SOX5: variants seen among roughly 807,000 people sequenced by gnomAD.
SOX5 encodes the protein SRY-box transcription factor 5.
A neutral mutation model predicts 92.0 loss-of-function variants in SOX5; 9 were observed. The observed-to-expected ratio is 0.10, with a 90% CI of 0.06 to 0.17. The LOEUF (loss-of-function observed/expected upper bound fraction) is 0.17. Ranked by LOEUF, SOX5 falls within the 10% of genes least tolerant of loss-of-function variation. The pLI is 1.00. For missense variants in SOX5, 642 were observed against 944.5 expected (o/e 0.68, Z 4.20); for synonymous variants, 344 against 336.3 (o/e 1.02, Z -0.25).
chr12:23,875,625 A>G (rs2096919605), intron 2 of SOX5, among the ~76,000 whole-genome samples: 1 of 152,190 alleles, frequency 6.6e-6, no homozygotes, highest in Admixed American at 6.5e-5. Context: ...ATAATATAGT[A>G]TCACATCAAA....
chr12:24,448,226 A>G (rs1941773108), intron 1 of SOX5, among the ~76,000 whole-genome samples: 1 of 152,202 alleles, frequency 6.6e-6, no homozygotes, highest in South Asian at 2.1e-4. Flanking sequence ...AGATGCAACT[A>G]AAAGTACTAG....
At chr12:23,779,951 G>T (rs528849520) in intron 3 of SOX5, among the ~76,000 whole-genome samples, 2 of 99,454 alleles carry the variant, frequency 2.0e-5, no homozygotes, top group Non-Finnish European at 4.0e-5. Context: ...GAGACACAGC[G>T]AGACTGTGTG....
intron 4 of SOX5, among the ~76,000 whole-genome samples, chr12:24,196,475 A>C (rs1957022454): frequency 6.6e-6 from 1 of 152,218 alleles, no homozygotes; most frequent in Non-Finnish European, 1.5e-5. Flanking sequence ...TAAATGGAGA[A>C]ACTGGAGTAG....
chr12:24,426,686 T>A (rs1473018016), intron 1 of SOX5, among the ~76,000 whole-genome samples: 2 of 152,186 alleles, frequency 1.3e-5, no homozygotes, highest in African/African-American at 2.4e-5. Context: ...ATTTCATATC[T>A]TAGTCTTCGC....
At chr12:23,548,089 C>G (rs1299105419) in intron 11 of SOX5, among the ~76,000 whole-genome samples, 9 of 152,062 alleles carry the variant, frequency 5.9e-5, no homozygotes, top group Admixed American at 6.6e-5. Flanking sequence ...TTACTGTACT[C>G]TCTTTGAGGA....
chr12:24,157,708 G>A lies in SOX5; in HGVS notation c.-2+55635C>T, dbSNP rs561384168. ...ATAGGCAGTGCCTTCACATTTTGTAGATAAATAAATTAGTCAGCTAAGTCA... is the reference window on the plus strand; with the variant it reads ...ATAGGCAGTGCCTTCACATTTTGTAAATAAATAAATTAGTCAGCTAAGTCA... On this transcript the variant is annotated intron_variant, in intron 4 of 4. Coordinates refer to the SOX5 transcript ENST00000446891. 2.6e-5 allele frequency among the ~76,000 whole-genome samples: 4 copies of A among 152,196 alleles called. No homozygotes were observed. In the South Asian group the frequency reaches 8.3e-4, roughly 32 times the overall value.
rs149206245 is a variant in SOX5, at chr12:23,894,589, A to G, written c.270+1204T>C. 3.9e-5 allele frequency among the ~76,000 whole-genome samples: 6 copies of G among 152,312 alleles called. No homozygotes were observed. The East Asian group carries it at 9.7e-4, about 25-fold the overall frequency. ...CAAATGCCCAAAGAAATCTTGACCT[A>G]TGAGGCTGAAATGTTGAATGGGAAT... On this transcript the variant is annotated intron_variant, in intron 2 of 14. Coordinates refer to ENST00000451604, the MANE Select transcript of SOX5 (RefSeq NM_006940.6).
intron 1 of SOX5, among the ~76,000 whole-genome samples, chr12:23,909,714 G>C (rs972674451): frequency 4.6e-5 from 7 of 152,132 alleles, no homozygotes; most frequent in African/African-American, 1.7e-4. Flanking sequence ...AAAACAGGGA[G>C]GGGTGTCTAA....
chr12:24,333,324 C>A (rs928248820), intron 2 of SOX5, among the ~76,000 whole-genome samples: 1 of 151,860 alleles, frequency 6.6e-6, no homozygotes, highest in Non-Finnish European at 1.5e-5. Context: ...TGTTTGGAAG[C>A]TCAATATGTA....
At chr12:24,232,761 T>C (rs187417019) in intron 3 of SOX5, among the ~76,000 whole-genome samples, 56 of 152,336 alleles carry the variant, frequency 3.7e-4, no homozygotes, top group Admixed American at 2.4e-3. Flanking sequence ...ACTGTGTTGG[T>C]ATTCTGTCCG....
intron 4 of SOX5, among the ~76,000 whole-genome samples, chr12:23,751,241 C>T (rs1210539801): frequency 2.0e-5 from 3 of 151,754 alleles, no homozygotes; most frequent in African/African-American, 7.3e-5. Context: ...CATTTCCAAC[C>T]CCTTTGTAAA....
intron 4 of SOX5, among the ~76,000 whole-genome samples, chr12:24,086,224 T>G (rs999429488): frequency 1.3e-5 from 2 of 151,852 alleles, no homozygotes; most frequent in Non-Finnish European, 2.9e-5. Flanking sequence ...AAATATACTC[T>G]TAGTTAAGAA....
intron 4 of SOX5, among the ~76,000 whole-genome samples, chr12:24,161,798 T>C (rs1952786322): frequency 6.6e-6 from 1 of 152,110 alleles, no homozygotes; most frequent in African/African-American, 2.4e-5. Context: ...ATTCACACTC[T>C]GTTCTTCAGA....
rs112490415 is a variant in SOX5 at position 24,131,061 on chromosome 12, G to C, written c.-2+82282C>G. 5.8e-3 allele frequency among the ~76,000 whole-genome samples: 876 copies of C among 152,214 alleles called. 8 individuals are homozygous for C. The highest frequency in any genetic ancestry group is 0.02 in the African/African-American group (818 of 41,532). On this transcript the variant is annotated intron_variant, in intron 4 of 4. Coordinates refer to the SOX5 transcript ENST00000446891. Reference sequence around the variant, plus strand: ...TTGCCTTCAAAAATTTATCATTTAAGATTCAACTCCAATGATAGCTCATCT... The same window carrying C: ...TTGCCTTCAAAAATTTATCATTTAACATTCAACTCCAATGATAGCTCATCT...
intron 2 of SOX5, among the ~76,000 whole-genome samples, chr12:24,319,512 C>T (rs1950011459): frequency 6.6e-6 from 1 of 152,176 alleles, no homozygotes; most frequent in African/African-American, 2.4e-5. Flanking sequence ...CCCTAACTAT[C>T]TTAAAAGTCA....
chr12:23,647,817 G>A (rs1013141044), intron 7 of SOX5, among the ~76,000 whole-genome samples: 1 of 152,220 alleles, frequency 6.6e-6, no homozygotes, highest in Admixed American at 6.5e-5. Context: ...TTAAGGGAAT[G>A]TTGTGGCTGG....
At chr12:24,000,812 C>T (rs568680192) in intron 4 of SOX5, among the ~76,000 whole-genome samples, 10 of 152,028 alleles carry the variant, frequency 6.6e-5, no homozygotes, top group South Asian at 6.2e-4. Flanking sequence ...GTAAGAAATA[C>T]GCTTTGAAGA....
At chr12:23,996,397 TA>T (rs1951036762) in intron 4 of SOX5, among the ~76,000 whole-genome samples, 1 of 152,186 alleles carries the variant, frequency 6.6e-6, no homozygotes, top group Non-Finnish European at 1.5e-5. Context: ...GGTGGGAATG[TA>T]AAATGATAAA....
At chr12:23,908,817 T>A (rs2097320484) in intron 1 of SOX5, among the ~76,000 whole-genome samples, 1 of 152,110 alleles carries the variant, frequency 6.6e-6, no homozygotes, top group Non-Finnish European at 1.5e-5. Flanking sequence ...CATTGGCTCC[T>A]TTCATGCCAA....
Sources: gnomAD v4.1 joint callset for allele counts (sites outside exome capture counted in the v4.1 genomes callset) on GRCh38, gnomAD v4.1.1 for gene constraint, MANE v1.5 for transcripts, NCBI Gene and HGNC (gene_info 2026-07-23, HGNC 2026-07-21) for gene names.